RUNX1T1: variants seen among roughly 807,000 people sequenced by gnomAD.
RUNX1T1 encodes the protein protein CBFA2T1.
In RUNX1T1, 4 loss-of-function variants were observed where a neutral mutation model predicts 62.8. The observed-to-expected ratio is 0.06, with a 90% CI of 0.03 to 0.15. The LOEUF is 0.15. Ranked by LOEUF, RUNX1T1 falls within the 10% of genes least tolerant of loss-of-function variation. The pLI, the probability that RUNX1T1 is intolerant of heterozygous loss-of-function variation, is 1.00. For missense variants in RUNX1T1, 508 were observed against 754.3 expected, an observed-to-expected ratio of 0.67 and a Z score of 3.82; for synonymous variants, 291 against 286.0, an observed-to-expected ratio of 1.02 and a Z score of -0.18.
intron 10 of RUNX1T1, among the ~76,000 whole-genome samples, chr8:91,968,835 G>A (rs1472499917): frequency 6.6e-6 from 1 of 152,094 alleles, no homozygotes; most frequent in African/African-American, 2.4e-5. Flanking sequence ...ATGACTCAAG[G>A]TTCAAGCCAT....
At chr8:92,100,656 G>A (rs572640229), upstream of RUNX1T1, among the ~76,000 whole-genome samples, 1 of 152,198 alleles carries the variant, frequency 6.6e-6, no homozygotes, top group East Asian at 1.9e-4. Flanking sequence ...GATTACTATT[G>A]GGTGAGATTG....
At chr8:92,047,722 T>C (rs1166496556) in intron 1 of RUNX1T1, among the ~76,000 whole-genome samples, 4 of 151,424 alleles carry the variant, frequency 2.6e-5, no homozygotes, top group African/African-American at 7.3e-5. Flanking sequence ...CCATATTATG[T>C]GTAAAACACT....
At chr8:92,063,675 A>G (rs184868466), upstream of RUNX1T1, 1 of 152,380 alleles carries the variant, frequency 6.6e-6, no homozygotes, top group Non-Finnish European at 1.5e-5. Flanking sequence ...TAGGAGAAAC[A>G]CACGCCTGCC....
chr8:91,999,012 T>C (rs1355500124), intron 5 of RUNX1T1, among the ~76,000 whole-genome samples: 1 of 152,234 alleles, frequency 6.6e-6, no homozygotes, highest in African/African-American at 2.4e-5. Flanking sequence ...TTGTAGTGTT[T>C]TGCTTTGTTT....
chr8:92,075,908 T>C (rs1309745976), intron 2 of RUNX1T1, 57 bp downstream of exon 2: 4 of 1,446,544 alleles, frequency 2.8e-6, no homozygotes, highest in East Asian at 2.3e-5. Context: ...AAAAAATAGA[T>C]TGATTTTTCT....
chr8:92,102,821 C>A (rs1838102621), upstream of RUNX1T1: 2 of 1,494,770 alleles, frequency 1.3e-6, no homozygotes, highest in Non-Finnish European at 1.8e-6. The surrounding 1 kb of genome is among the most constrained non-coding windows in gnomAD (Gnocchi z 4.5). Context: ...GACCCCGCCG[C>A]CCGCCCGCCG....
intron 10 of RUNX1T1, among the ~76,000 whole-genome samples, chr8:91,960,723 A>G (rs555938102): frequency 1.6e-4 from 24 of 152,356 alleles, no homozygotes; most frequent in Non-Finnish European, 2.8e-4. Flanking sequence ...TGCTCTGCCA[A>G]CAACTACTAT....
At chr8:91,964,318 T>C (rs1159440103) in intron 10 of RUNX1T1, among the ~76,000 whole-genome samples, 3 of 152,202 alleles carry the variant, frequency 2.0e-5, no homozygotes, top group South Asian at 2.1e-4. Flanking sequence ...AAAATATCTT[T>C]TATTTTGTCT....
chr8:92,062,705 T>TG, exon 1 of RUNX1T1: 1 of 1,581,948 alleles, frequency 6.3e-7, no homozygotes, highest in South Asian at 1.1e-5. Flanking sequence ...GCTGGGCGCG[T>TG]GCGCCTGCCA....
intron 1 of RUNX1T1, among the ~76,000 whole-genome samples, chr8:92,055,108 T>C (rs1042040237): frequency 2.6e-5 from 4 of 152,194 alleles, no homozygotes; most frequent in African/African-American, 9.6e-5. Context: ...TGAAAGTAAC[T>C]ATGGCTTAAA....
intron 10 of RUNX1T1, among the ~76,000 whole-genome samples, chr8:91,961,875 G>A (rs28482059): frequency 0.19 from 28,180 of 152,114 alleles, 3,161 homozygotes; most frequent in Non-Finnish European, 0.26. Flanking sequence ...AACAGCTGAC[G>A]CTATGTGCTT....
chr8:92,059,159 A>C (rs988889555), intron 1 of RUNX1T1, among the ~76,000 whole-genome samples: 1 of 152,214 alleles, frequency 6.6e-6, no homozygotes, highest in African/African-American at 2.4e-5. Context: ...TTGGGTATTT[A>C]CAACTTACAT....
At chr8:91,984,241 C>T (rs1816060303) in intron 8 of RUNX1T1, among the ~76,000 whole-genome samples, 2 of 152,090 alleles carry the variant, frequency 1.3e-5, no homozygotes. Flanking sequence ...ACCTCTCTTC[C>T]TGGAGAACAT....
intron 1 of RUNX1T1, among the ~76,000 whole-genome samples, chr8:92,051,062 C>A (rs1438711135): frequency 6.6e-6 from 1 of 152,088 alleles, no homozygotes; most frequent in South Asian, 2.1e-4. Flanking sequence ...CACTCTCCAG[C>A]CTTTTTTTTT....
At chr8:92,005,380 A>G (rs1489561480) in intron 4 of RUNX1T1, 83 bp from the exon 6 acceptor site, 1 of 1,253,124 alleles carries the variant, frequency 8.0e-7, no homozygotes. Context: ...CGAACACTGG[A>G]GAAGAGTATG....
intron 1 of RUNX1T1, among the ~76,000 whole-genome samples, chr8:92,085,937 T>G (rs189341167): frequency 2.0e-4 from 30 of 152,372 alleles, no homozygotes; most frequent in African/African-American, 7.0e-4. Context: ...TCATAGTATT[T>G]AGTTTACTAT....
At chr8:92,017,675 T>C in intron 1 of RUNX1T1, 1 of 1,246,806 alleles carries the variant, frequency 8.0e-7, no homozygotes. Flanking sequence ...GAAGCCAATG[T>C]TAGCAAGAGG....
Position 92,089,984 on chromosome 8 carries a change from C to A in RUNX1T1, c.-86+9596G>T, listed in dbSNP as rs977647443. Among the ~76,000 whole-genome samples, 9 of 148,948 alleles carry A rather than the reference C, an allele frequency of 6.0e-5. 1 individual carries two copies. Among genetic ancestry groups the A allele is most frequent in the Admixed American group, 6.0e-4 (9 of 14,952 alleles). On this transcript the variant is annotated intron_variant, in intron 1 of 11. Coordinates refer to the RUNX1T1 transcript ENST00000265814. ...TTTCACTCTCCTAACCCTGGGAAAG[C>A]CCCAAAGCCTACTTTCAGTATCACA... is the stretch of plus-strand genomic sequence containing the variant.
chr8:92,014,045 C>A lies in RUNX1T1; in HGVS notation c.387+534G>T, dbSNP rs189831721. 1.1e-4 allele frequency among the ~76,000 whole-genome samples: 16 copies of A among 152,052 alleles called. No individual in the cohort carries two copies. In the East Asian group the frequency reaches 3.1e-3, roughly 29 times the overall value. ...GATGAACTGTATGTATATTTTACCA[C>A]AATAAAAAATTTCAATGTTATTCAT... On this transcript the variant is annotated intron_variant, in intron 3 of 10. Coordinates refer to ENST00000396218, the Ensembl canonical transcript of RUNX1T1.
Sources: gnomAD v4.1 joint callset for allele counts (sites outside exome capture counted in the v4.1 genomes callset) on GRCh38, gnomAD v4.1.1 for gene constraint, Gnocchi (gnomAD v3.1) non-coding constraint, MANE v1.5 for transcripts, NCBI Gene and HGNC (gene_info 2026-07-23, HGNC 2026-07-21) for gene names.